Variants in WWTR1 observed in about 807,000 individuals in gnomAD.
WWTR1 encodes WW domain containing transcription regulator 1.
WWTR1 carries 13 observed loss-of-function variants against 40.1 expected under a neutral mutation model. The ratio of observed to expected loss-of-function variants is 0.32; its 90% CI spans 0.21 to 0.52. The LOEUF (loss-of-function observed/expected upper bound fraction) is 0.52, where lower values mean the gene tolerates loss of function less well. Among genes scored for constraint, WWTR1 ranks in the 20% least tolerant of loss-of-function variants. The pLI is 0.97. For synonymous variants in WWTR1, 230 were observed against 210.1 expected, an observed-to-expected ratio of 1.09 and a Z score of -0.82; for missense variants, 436 against 523.1, an observed-to-expected ratio of 0.83 and a Z score of 1.63.
rs1318180987 is a variant in WWTR1, at chr3:149,546,181, A to G, written c.569-3644T>C. Reference sequence around the variant, plus strand: ...AACACTGGTTTCTTCCATTTAATTTAGATTTGATCTTTCAGACTAAACATC... The same window carrying G: ...AACACTGGTTTCTTCCATTTAATTTGGATTTGATCTTTCAGACTAAACATC... On this transcript the variant is annotated intron_variant, in intron 3 of 6. Transcript: ENST00000360632. Among the ~76,000 whole-genome samples, 6 of 152,310 alleles carry G rather than the reference A, an allele frequency of 3.9e-5. No homozygotes were observed. The East Asian group carries it at 5.8e-4, about 15-fold the overall frequency.
intron 2 of WWTR1, among the ~76,000 whole-genome samples, chr3:149,587,314 A>AT (rs886218375): frequency 8.8e-4 from 132 of 149,924 alleles, no homozygotes; most frequent in Admixed American, 2.4e-3. Flanking sequence ...AAAAAGTTTG[A>AT]TTTTTTTTTT....
At chr3:149,645,178 C>T (rs541453886) in intron 2 of WWTR1, among the ~76,000 whole-genome samples, 31 of 152,084 alleles carry the variant, frequency 2.0e-4, no homozygotes, top group African/African-American at 6.7e-4. Context: ...CTCCCAGGTT[C>T]GCGCCATTCT....
chr3:149,712,188 G>A (rs934309232), intron 5 of WWTR1, among the ~76,000 whole-genome samples: 1 of 152,144 alleles, frequency 6.6e-6, no homozygotes, highest in Non-Finnish European at 1.5e-5. Flanking sequence ...TACTTTTGAG[G>A]CTGAGGTGGG....
intron 3 of WWTR1, among the ~76,000 whole-genome samples, chr3:149,553,100 T>C (rs971725664): frequency 2.0e-5 from 3 of 152,200 alleles, no homozygotes; most frequent in Non-Finnish European, 2.9e-5. Flanking sequence ...TTAAAACCAA[T>C]GATTTAGACT....
chr3:149,677,387 T>G (rs1400005322), intron 1 of WWTR1, among the ~76,000 whole-genome samples: 1 of 152,204 alleles, frequency 6.6e-6, no homozygotes, highest in African/African-American at 2.4e-5. Flanking sequence ...AAAATTCTGT[T>G]GTTGGCTCTA....
intron 6 of WWTR1, chr3:149,525,754 G>A: frequency 3.7e-6 from 1 of 268,736 alleles, no homozygotes; most frequent in East Asian, 6.4e-5. Context: ...CAGACACTCG[G>A]GACTACTGGG....
intron 2 of WWTR1, among the ~76,000 whole-genome samples, chr3:149,587,333 A>T (rs2108023275): frequency 6.6e-6 from 1 of 152,196 alleles, no homozygotes; most frequent in East Asian, 1.9e-4. Context: ...TTCCCTTCAG[A>T]CCTGGTGACA....
At chr3:149,693,911 C>A (rs1217230924) in intron 1 of WWTR1, among the ~76,000 whole-genome samples, 1 of 151,972 alleles carries the variant, frequency 6.6e-6, no homozygotes, top group Admixed American at 6.6e-5. Context: ...AGACCTGAAA[C>A]TATAAAACAA....
At chr3:149,656,758 CTCTCTT>C (rs759918192) in intron 2 of WWTR1, 112 bp downstream of exon 2, 12,099 of 658,016 alleles carry the variant, frequency 0.018, 34 homozygotes, top group East Asian at 0.036. Flanking sequence ...CGCACCATCT[CTCTCTT>C]TCTCTCTCTC....
intron 1 of WWTR1, among the ~76,000 whole-genome samples, chr3:149,700,908 A>G (rs1029588128): frequency 6.6e-6 from 1 of 152,242 alleles, no homozygotes; most frequent in African/African-American, 2.4e-5. Flanking sequence ...ACAACTGGTT[A>G]GCACCAACAC....
chr3:149,662,917 T>C (rs1434996233), upstream of WWTR1, among the ~76,000 whole-genome samples: 1 of 152,200 alleles, frequency 6.6e-6, no homozygotes, highest in African/African-American at 2.4e-5. Flanking sequence ...TGCTCAAAAT[T>C]GTCCTCCAAA....
chr3:149,688,491 C>T (rs549180610), intron 1 of WWTR1, among the ~76,000 whole-genome samples: 136 of 152,104 alleles, frequency 8.9e-4, no homozygotes, highest in Non-Finnish European at 1.2e-3. Flanking sequence ...GCCTGGTAAT[C>T]CAGGGAATCC....
intron 5 of WWTR1, among the ~76,000 whole-genome samples, chr3:149,527,000 G>A (rs1735349876): frequency 6.6e-6 from 1 of 152,154 alleles, no homozygotes; most frequent in South Asian, 2.1e-4. Flanking sequence ...AGTACAGAGC[G>A]TTCCCATGTA....
chr3:149,537,366 C>T (rs1735885010), intron 4 of WWTR1, among the ~76,000 whole-genome samples: 1 of 152,168 alleles, frequency 6.6e-6, no homozygotes, highest in Non-Finnish European at 1.5e-5. Flanking sequence ...TTAAAGTATG[C>T]TACCACTTTT....
At chr3:149,691,782 C>G (rs746646537) in intron 1 of WWTR1, among the ~76,000 whole-genome samples, 1 of 151,902 alleles carries the variant, frequency 6.6e-6, no homozygotes, top group Non-Finnish European at 1.5e-5. Context: ...TTTGGGAGGC[C>G]GAGGTGGGTG....
At chr3:149,524,836 G>A (rs557350359) in intron 6 of WWTR1, among the ~76,000 whole-genome samples, 3 of 152,300 alleles carry the variant, frequency 2.0e-5, no homozygotes, top group Non-Finnish European at 4.4e-5. Flanking sequence ...TTTGGGGGAA[G>A]GAATTTTTTA....
upstream of WWTR1, among the ~76,000 whole-genome samples, chr3:149,705,650 T>G (rs1715311199): frequency 6.6e-6 from 1 of 152,212 alleles, no homozygotes; most frequent in Non-Finnish European, 1.5e-5. Context: ...GGATTTCTTC[T>G]TAATCCTTAT....
chr3:149,536,482 AG>A (rs34960153), intron 4 of WWTR1, among the ~76,000 whole-genome samples: 29 of 148,356 alleles, frequency 2.0e-4, no homozygotes, highest in Admixed American at 4.0e-4. Flanking sequence ...AAAAAAAAAA[AG>A]GGGGGGGCCT....
intron 2 of WWTR1, among the ~76,000 whole-genome samples, chr3:149,627,119 G>A (rs1470492424): frequency 1.3e-5 from 2 of 152,068 alleles, no homozygotes; most frequent in Non-Finnish European, 2.9e-5. Flanking sequence ...AATTTGTTTA[G>A]TACAAATACG....
Sources: gnomAD v4.1 joint callset for allele counts (sites outside exome capture counted in the v4.1 genomes callset) on GRCh38, gnomAD v4.1.1 for gene constraint, MANE v1.5 for transcripts, NCBI Gene and HGNC (gene_info 2026-07-23, HGNC 2026-07-21) for gene names.